ANO10: variants seen among roughly 807,000 people sequenced by gnomAD.
The protein encoded by ANO10 is anoctamin-10.
Under a neutral mutation model 74.7 loss-of-function variants are expected in ANO10, and 77 were observed. That is an observed-to-expected ratio of 1.03 (90% CI 0.86 to 1.25). The LOEUF (loss-of-function observed/expected upper bound fraction) is 1.25. Among genes scored for constraint, ANO10 ranks in the 50% most tolerant of loss-of-function variants. ANO10 has a pLI of 0.00. For missense variants in ANO10, 721 were observed against 778.1 expected (o/e 0.93, Z 0.87); for synonymous variants, 279 against 284.9 (o/e 0.98, Z 0.21).
intron 11 of ANO10, among the ~76,000 whole-genome samples, chr3:43,446,200 A>T (rs2093243824): frequency 6.6e-6 from 1 of 152,196 alleles, no homozygotes; most frequent in Non-Finnish European, 1.5e-5. Flanking sequence ...TTCAGGAAGG[A>T]ATGCTTCCCA....
intron 12 of ANO10, among the ~76,000 whole-genome samples, chr3:43,423,722 A>G (rs1490974568): frequency 1.3e-5 from 2 of 152,180 alleles, no homozygotes; most frequent in Non-Finnish European, 2.9e-5. Context: ...CATTTTATCA[A>G]TTGGAGAGAA....
At chr3:43,596,879 A>G (rs941452971) in intron 4 of ANO10, among the ~76,000 whole-genome samples, 5 of 152,258 alleles carry the variant, frequency 3.3e-5, no homozygotes, top group Non-Finnish European at 5.9e-5. Flanking sequence ...CAAAGGGCTA[A>G]TATCCAGAAT....
intron 1 of ANO10, among the ~76,000 whole-genome samples, chr3:43,641,154 T>A (rs2083666680): frequency 6.6e-6 from 1 of 152,230 alleles, no homozygotes; most frequent in South Asian, 2.1e-4. Context: ...AGGATTCATT[T>A]GTTGCTCTTA....
intron 12 of ANO10, among the ~76,000 whole-genome samples, chr3:43,424,994 A>G (rs2092876904): frequency 6.6e-6 from 1 of 152,156 alleles, no homozygotes; most frequent in South Asian, 2.1e-4. Context: ...TTGGGGCCCC[A>G]GGAAGTAGAC....
intron 4 of ANO10, among the ~76,000 whole-genome samples, chr3:43,588,080 A>G (rs1176749771): frequency 6.6e-6 from 1 of 152,210 alleles, no homozygotes; most frequent in Non-Finnish European, 1.5e-5. Flanking sequence ...TAGAAATTCT[A>G]ACATACTTTT....
rs7616708 is a variant in ANO10 at position 43,565,644 on chromosome 3, T to G, written c.1293+9A>C. On this transcript the variant is annotated intron_variant, in intron 8 of 12. Coordinates refer to ENST00000292246, the MANE Select transcript of ANO10 (RefSeq NM_018075.5). ...AAAAAATTGGTATTTTTCTGTTATT[T>G]TTACTTACCTGGCGCAAAAGCTTCA... 1 of 1,565,212 alleles carries G rather than the reference T, an allele frequency of 6.4e-7. No homozygotes were observed. The highest frequency in any genetic ancestry group is 8.7e-7 in the Non-Finnish European group (1 of 1,154,120).
At chr3:43,568,449 A>G (rs1391829184) in intron 7 of ANO10, among the ~76,000 whole-genome samples, 4 of 152,236 alleles carry the variant, frequency 2.6e-5, no homozygotes, top group African/African-American at 9.6e-5. Flanking sequence ...AGCACTCCTC[A>G]GCAAATGTAA....
rs55764466 is a variant in ANO10 at position 43,667,072 on chromosome 3, G to GTTTTTTTTTTT, written c.-12+24434_-12+24444dup. Among the ~76,000 whole-genome samples, 9 of 56,140 alleles carry GTTTTTTTTTTT rather than the reference G, an allele frequency of 1.6e-4. 1 individual carries two copies. Among genetic ancestry groups the GTTTTTTTTTTT allele is most frequent in the Non-Finnish European group, 1.6e-4 (5 of 31,944 alleles). 36.8% of individuals were successfully genotyped at this position (56,140 alleles called of 152,430 possible). A position where few individuals can be genotyped will look rare whatever the true frequency, so the allele number is the denominator to read the frequency against. ...CCTCATGCATTAAAATACAATGCAT[G>GTTTTTTTTTTT]TTTTTTTTTTTTTTTTTTTTTTTTT... On this transcript the variant is annotated intron_variant, in intron 1 of 3. Coordinates refer to the ANO10 transcript ENST00000413397.
chr3:43,521,682 A>T (rs762849105), intron 11 of ANO10, among the ~76,000 whole-genome samples: 1 of 152,212 alleles, frequency 6.6e-6, no homozygotes, highest in Non-Finnish European at 1.5e-5. Flanking sequence ...AAACCCTCGT[A>T]CGTTGCTGAT....
chr3:43,375,548 A>C (rs568307653), intron 12 of ANO10, among the ~76,000 whole-genome samples: 1 of 152,362 alleles, frequency 6.6e-6, no homozygotes, highest in African/African-American at 2.4e-5. Context: ...GAAAATGTGG[A>C]AACCACAGTG....
At position 43,576,977 on chromosome 3, in the gene ANO10, C is replaced by A. The variant is rs763225867; in HGVS notation, c.877G>T (p.Gly293Cys). 6 of 1,613,560 alleles carry A rather than the reference C, an allele frequency of 3.7e-6. No homozygotes were observed. The East Asian group carries it at 1.1e-4, about 30-fold the overall frequency. The change falls in exon 6 of 13, where the codon GGT becomes TGT. Residue 293 changes from glycine to cysteine, a missense_variant. Coordinates refer to ENST00000292246, the MANE Select transcript of ANO10 (RefSeq NM_018075.5). ...EPRPGFHGVL[G>C]INSITGKEEP... ...TCCTTCCCAGTGATGGAATTGATAC[C>A]CAAGACACCATGAAATCCTGGCCGG...
intron 12 of ANO10, among the ~76,000 whole-genome samples, chr3:43,385,351 G>A (rs1393757864): frequency 6.6e-6 from 1 of 152,180 alleles, no homozygotes; most frequent in Non-Finnish European, 1.5e-5. Flanking sequence ...AAACAGTGTG[G>A]AGATTCCTTA....
chr3:43,436,931 G>A (rs2093077203), intron 11 of ANO10, among the ~76,000 whole-genome samples: 1 of 152,176 alleles, frequency 6.6e-6, no homozygotes, highest in Non-Finnish European at 1.5e-5. Flanking sequence ...TCCTACAATG[G>A]TATGTATGCA....
chr3:43,559,917 T>C (rs190567615), intron 9 of ANO10, among the ~76,000 whole-genome samples: 127 of 152,338 alleles, frequency 8.3e-4, no homozygotes, highest in African/African-American at 2.8e-3. Flanking sequence ...TAGGTGTGTG[T>C]CTTTTCTCTA....
At chr3:43,548,519 AC>A (rs1279706640) in intron 11 of ANO10, among the ~76,000 whole-genome samples, 3 of 152,222 alleles carry the variant, frequency 2.0e-5, no homozygotes, top group Non-Finnish European at 4.4e-5. Flanking sequence ...TATCATGAAC[AC>A]AGATTCCTAC....
chr3:43,468,270 T>A (rs2075711569), intron 11 of ANO10, among the ~76,000 whole-genome samples: 1 of 152,232 alleles, frequency 6.6e-6, no homozygotes, highest in South Asian at 2.1e-4. Flanking sequence ...TTTCCACAAC[T>A]ATTTCAGTCA....
intron 12 of ANO10, among the ~76,000 whole-genome samples, chr3:43,404,438 C>A (rs1306717839): frequency 6.6e-6 from 1 of 152,174 alleles, no homozygotes; most frequent in African/African-American, 2.4e-5. Context: ...AAAGCCCCAG[C>A]TGACATCTTA....
rs529734311 is a variant in ANO10 at position 43,516,150 on chromosome 3, A to G, written c.1797+33570T>C. On this transcript the variant is annotated intron_variant, in intron 11 of 12. Transcript: ENST00000292246. ...AATACAGCATGGATCCTGCTCTCAAAGAACTGATCAACTAGGGGAGAGTGA... is the reference window on the plus strand; with the variant it reads ...AATACAGCATGGATCCTGCTCTCAAGGAACTGATCAACTAGGGGAGAGTGA... Among the ~76,000 whole-genome samples, 34 of 152,342 alleles carry G rather than the reference A, an allele frequency of 2.2e-4. No homozygotes were observed. The East Asian group carries it at 6.2e-3, about 28-fold the overall frequency.
At chr3:43,640,872 C>A (rs748826169) in intron 1 of ANO10, among the ~76,000 whole-genome samples, 2 of 152,058 alleles carry the variant, frequency 1.3e-5, no homozygotes, top group Non-Finnish European at 2.9e-5. Context: ...CCCAGTCATG[C>A]GAGTAAACAG....
Sources: gnomAD v4.1 joint callset for allele counts (sites outside exome capture counted in the v4.1 genomes callset) on GRCh38, gnomAD v4.1.1 for gene constraint, MANE v1.5 for transcripts, NCBI Gene and HGNC (gene_info 2026-07-23, HGNC 2026-07-21) for gene names.